Variants in APLF observed in about 807,000 individuals in gnomAD.
APLF encodes the protein aprataxin and PNK-like factor.
Under a neutral mutation model 55.6 loss-of-function variants are expected in APLF, and 61 were observed. That is an observed-to-expected ratio of 1.10 (90% CI 0.89 to 1.36). The LOEUF (loss-of-function observed/expected upper bound fraction) is 1.36, where lower values mean the gene tolerates loss of function less well. APLF is among the 40% of genes most tolerant of loss of function. The probability of loss-of-function intolerance (pLI) is 0.00; values close to 1 mark genes in which losing one functional copy is unlikely to be tolerated. For synonymous variants in APLF, 207 were observed against 214.8 expected (o/e 0.96, Z 0.32); for missense variants, 611 against 602.5 (o/e 1.01, Z -0.15).
chr2:68,513,527 A>G, intron 4 of APLF, 21 bp from the exon 5 acceptor site: 1 of 1,603,110 alleles, frequency 6.2e-7, no homozygotes, highest in Non-Finnish European at 8.5e-7. Context: ...TATTTTTAGT[A>G]ATTTATAGGT....
chr2:68,474,783 C>G (rs907935519), intron 1 of APLF, among the ~76,000 whole-genome samples: 9 of 152,152 alleles, frequency 5.9e-5, no homozygotes, highest in Non-Finnish European at 1.0e-4. Flanking sequence ...ATTCTCCTGC[C>G]TCAGCCTCCT....
intron 7 of APLF, 24 bp downstream of exon 7, chr2:68,538,251 T>C: frequency 6.5e-7 from 1 of 1,547,808 alleles, no homozygotes; most frequent in Admixed American, 2.0e-5. Context: ...ACAGTAACAT[T>C]TAATTCCATT....
chr2:68,564,891 T>C (rs573518743), intron 8 of APLF, among the ~76,000 whole-genome samples: 30 of 152,224 alleles, frequency 2.0e-4, no homozygotes, highest in Non-Finnish European at 4.0e-4. Context: ...GATCACTCTT[T>C]TCTTGGTTTT....
At chr2:68,491,176 C>T (rs997529567) in intron 2 of APLF, among the ~76,000 whole-genome samples, 1 of 152,072 alleles carries the variant, frequency 6.6e-6, no homozygotes, top group Non-Finnish European at 1.5e-5. Flanking sequence ...GAGTTTATGT[C>T]TCATCTTCAT....
chr2:68,540,756 G>A (rs1408077173), intron 7 of APLF, among the ~76,000 whole-genome samples: 3 of 151,274 alleles, frequency 2.0e-5, no homozygotes, highest in African/African-American at 4.9e-5. Flanking sequence ...AATCCCAATA[G>A]GGTGTATGTG....
In APLF at chr2:68,484,387, A is replaced by T. The variant is rs189430245; in HGVS notation, c.97-5803A>T. Reference sequence around the variant, plus strand: ...GAGACCTGTTCACATTCAAGAAACAATATTAAGAATGCAGTTTAGGGCTGG... The same window carrying T: ...GAGACCTGTTCACATTCAAGAAACATTATTAAGAATGCAGTTTAGGGCTGG... On this transcript the variant is annotated intron_variant, in intron 1 of 9. Transcript: ENST00000303795. 4.7e-3 allele frequency among the ~76,000 whole-genome samples: 710 copies of T among 152,206 alleles called. 9 individuals carry two copies. The highest frequency in any genetic ancestry group is 7.4e-3 in the Admixed American group (113 of 15,286).
rs1013082849 is a variant in APLF at position 68,478,845 on chromosome 2, C to T, written c.96+11018C>T. Among the ~76,000 whole-genome samples, 5 of 152,312 alleles carry T rather than the reference C, an allele frequency of 3.3e-5. No homozygotes were observed. In the East Asian group the frequency reaches 5.8e-4, roughly 18 times the overall value. On this transcript the variant is annotated intron_variant, in intron 1 of 9. Transcript: ENST00000303795. ...AATGCAGTTGGGTTTATGATTAGTA[C>T]TGCCCTTATCTACAAAGGTGCTAAC...
chr2:68,563,432 G>T, intron 8 of APLF: 1 of 844,548 alleles, frequency 1.2e-6, no homozygotes, highest in Non-Finnish European at 1.4e-6. Flanking sequence ...TGCAGATGGT[G>T]CATGCGAGTG....
chr2:68,496,330 C>T (rs969388370), intron 2 of APLF, among the ~76,000 whole-genome samples: 11 of 152,130 alleles, frequency 7.2e-5, no homozygotes, highest in African/African-American at 2.4e-4. Flanking sequence ...GTCTCAAGCT[C>T]CTGACCTCAG....
chr2:68,512,478 C>A (rs1209524793), intron 3 of APLF, among the ~76,000 whole-genome samples: 1 of 151,720 alleles, frequency 6.6e-6, no homozygotes, highest in African/African-American at 2.4e-5. Context: ...GTATTAATAA[C>A]CCAACAACTT....
chr2:68,474,960 G>A (rs998186408), intron 1 of APLF, among the ~76,000 whole-genome samples: 1 of 152,106 alleles, frequency 6.6e-6, no homozygotes, highest in Non-Finnish European at 1.5e-5. Flanking sequence ...GAGCCTCCGC[G>A]CCTGGGTAGT....
Position 68,513,609 on chromosome 2 carries a change from G to C in APLF, c.551G>C (p.Arg184Thr). ...KQQPILAERK[R>T]ILPTWMLAEH... ...CAGCCAATCCTTGCCGAGAGGAAAA[G>C]AATCCTTCCAACTTGGATGTTAGCA... is the stretch of plus-strand genomic sequence containing the variant. The change falls in exon 5 of 10, where the codon AGA (arginine) becomes ACA (threonine). Residue 184 changes from arginine to threonine, a missense_variant. Coordinates refer to ENST00000303795, the MANE Select transcript of APLF (RefSeq NM_173545.3). 1 of 1,611,586 alleles carries C rather than the reference G, an allele frequency of 6.2e-7. No individual in the cohort carries two copies. Among genetic ancestry groups the C allele is most frequent in the East Asian group, 2.2e-5 (1 of 44,784 alleles).
chr2:68,570,809 C>T (rs1671439174), intron 9 of APLF, among the ~76,000 whole-genome samples: 1 of 152,038 alleles, frequency 6.6e-6, no homozygotes, highest in Non-Finnish European at 1.5e-5. Context: ...GGGTATATAC[C>T]CAGTAATGGG....
At position 68,479,523 on chromosome 2, in the gene APLF, G is replaced by A. The variant is rs115656850; in HGVS notation, c.97-10667G>A. On this transcript the variant is annotated intron_variant, in intron 1 of 9. Transcript: ENST00000303795. ...ACTTGATGGAGATGAATGCTTCTGAGCCAGTGCCAGCAATGAGGAAGACAT... is the reference window on the plus strand; with the variant it reads ...ACTTGATGGAGATGAATGCTTCTGAACCAGTGCCAGCAATGAGGAAGACAT... 6.5e-3 allele frequency among the ~76,000 whole-genome samples: 987 copies of A among 152,298 alleles called. 7 individuals are homozygous for A. Among genetic ancestry groups the A allele is most frequent in the African/African-American group, 0.023 (940 of 41,568 alleles).
chr2:68,540,718 T>C (rs754634157), intron 7 of APLF, among the ~76,000 whole-genome samples: 3 of 152,088 alleles, frequency 2.0e-5, no homozygotes, highest in Admixed American at 6.6e-5. Context: ...TCAAAATCGC[T>C]CTGTAAGTTT....
chr2:68,563,107 G>C, intron 8 of APLF: 2 of 985,186 alleles, frequency 2.0e-6, no homozygotes, highest in Non-Finnish European at 2.4e-6. Context: ...TGGAAGTTCA[G>C]TGTCCAGTTG....
chr2:68,539,018 T>A (rs1670479650), intron 7 of APLF, among the ~76,000 whole-genome samples: 1 of 152,206 alleles, frequency 6.6e-6, no homozygotes, highest in South Asian at 2.1e-4. Context: ...AAGATAGATA[T>A]CTTTATTGCA....
intron 1 of APLF, among the ~76,000 whole-genome samples, chr2:68,477,621 C>T (rs1374283405): frequency 6.6e-6 from 1 of 152,142 alleles, no homozygotes; most frequent in Admixed American, 6.5e-5. Flanking sequence ...GCCTGAGTGA[C>T]AGAGTGAGAC....
intron 1 of APLF, among the ~76,000 whole-genome samples, chr2:68,476,454 G>A (rs1455209197): frequency 1.4e-5 from 2 of 141,902 alleles, no homozygotes; most frequent in Admixed American, 7.3e-5. Flanking sequence ...TTGCACTCCA[G>A]CCTGGGCAAC....
Sources: allele counts gnomAD v4.1 joint callset (sites outside exome capture counted in the v4.1 genomes callset), GRCh38; gene constraint gnomAD v4.1.1; transcripts MANE v1.5; gene names NCBI Gene and HGNC (gene_info 2026-07-23, HGNC 2026-07-21).